Variants in TBC1D22A observed in about 807,000 individuals in gnomAD.
TBC1D22A encodes TBC1 domain family member 22A.
A neutral mutation model predicts 60.2 loss-of-function variants in TBC1D22A; 38 were observed. The ratio of observed to expected loss-of-function variants is 0.63; its 90% CI spans 0.49 to 0.83. The LOEUF (loss-of-function observed/expected upper bound fraction) is 0.83. TBC1D22A is among the 40% of genes least tolerant of loss of function. TBC1D22A has a pLI of 0.00. For synonymous variants in TBC1D22A, 302 were observed against 281.7 expected (o/e 1.07, Z -0.72); for missense variants, 628 against 701.0 (o/e 0.90, Z 1.18).
chr22:46,911,933 ATTG>A, intron 7 of TBC1D22A, 138 bp from the exon 8 acceptor site: 1 of 460,434 alleles, frequency 2.2e-6, no homozygotes, highest in East Asian at 3.5e-5. Flanking sequence ...AAAAAAAAAA[ATTG>A]ATATTTGTTT....
At chr22:46,951,796 G>A (rs2072920383) in intron 8 of TBC1D22A, among the ~76,000 whole-genome samples, 1 of 152,220 alleles carries the variant, frequency 6.6e-6, no homozygotes, top group Non-Finnish European at 1.5e-5. Context: ...GCGGAGCTTT[G>A]TTTTGTAGGA....
intron 4 of TBC1D22A, among the ~76,000 whole-genome samples, chr22:46,814,300 G>T (rs1410544377): frequency 6.6e-6 from 1 of 152,202 alleles, no homozygotes; most frequent in African/African-American, 2.4e-5. Flanking sequence ...GTCCTGTGAA[G>T]TGGATGCTAT....
At chr22:47,140,346 C>A (rs551522263) in intron 12 of TBC1D22A, among the ~76,000 whole-genome samples, 1 of 151,252 alleles carries the variant, frequency 6.6e-6, no homozygotes, top group Admixed American at 6.6e-5. Context: ...CTGAGGTGGG[C>A]GGATCACGAG....
At chr22:46,808,570 AG>A (rs945447174) in intron 4 of TBC1D22A, among the ~76,000 whole-genome samples, 1 of 151,904 alleles carries the variant, frequency 6.6e-6, no homozygotes, top group Non-Finnish European at 1.5e-5. Flanking sequence ...AAATGTAGTC[AG>A]GTAAGGCTTT....
chr22:47,041,584 A>T (rs1039926731), intron 11 of TBC1D22A, among the ~76,000 whole-genome samples: 1 of 152,210 alleles, frequency 6.6e-6, no homozygotes, highest in Non-Finnish European at 1.5e-5. Flanking sequence ...ATTTCACGGA[A>T]GCCCTGGTGG....
intron 1 of TBC1D22A, among the ~76,000 whole-genome samples, chr22:46,780,570 C>T (rs145906829): frequency 7.2e-5 from 11 of 152,322 alleles, no homozygotes; most frequent in Non-Finnish European, 1.5e-4. Context: ...CTGTCAAAAC[C>T]CAGCGGCCTT....
chr22:47,157,765 G>A (rs763732256), intron 12 of TBC1D22A, among the ~76,000 whole-genome samples: 2 of 152,204 alleles, frequency 1.3e-5, no homozygotes, highest in Admixed American at 6.5e-5. Flanking sequence ...GGGTAGGGCC[G>A]GTGCCCAGAT....
At chr22:46,955,634 T>G (rs952769400) in intron 8 of TBC1D22A, among the ~76,000 whole-genome samples, 1 of 152,232 alleles carries the variant, frequency 6.6e-6, no homozygotes, top group Admixed American at 6.5e-5. Flanking sequence ...AAATGACTAA[T>G]AAGCTGAAAA....
chr22:46,966,875 C>G (rs542740116), intron 8 of TBC1D22A, among the ~76,000 whole-genome samples: 1 of 152,124 alleles, frequency 6.6e-6, no homozygotes, highest in Non-Finnish European at 1.5e-5. Context: ...GGTCTGCTTG[C>G]GGGTGGTGGG....
chr22:47,011,607 T>C (rs904637100), intron 10 of TBC1D22A, among the ~76,000 whole-genome samples: 3 of 152,202 alleles, frequency 2.0e-5, no homozygotes, highest in African/African-American at 7.2e-5. Context: ...CAGCAGCCTG[T>C]GTGGCTTCAC....
chr22:47,100,619 G>A (rs2065375919), intron 11 of TBC1D22A, among the ~76,000 whole-genome samples: 1 of 152,176 alleles, frequency 6.6e-6, no homozygotes, highest in Non-Finnish European at 1.5e-5. Context: ...GTGCTCCTCT[G>A]CACACGCTCT....
At chr22:47,090,967 A>C (rs911763229) in intron 11 of TBC1D22A, among the ~76,000 whole-genome samples, 3 of 130,796 alleles carry the variant, frequency 2.3e-5, no homozygotes, top group African/African-American at 9.0e-5. Context: ...CAGGCACGAG[A>C]AGTTGTCTTT....
chr22:47,152,704 C>T (rs1357753242), intron 12 of TBC1D22A, among the ~76,000 whole-genome samples: 1 of 152,228 alleles, frequency 6.6e-6, no homozygotes, highest in Non-Finnish European at 1.5e-5. Flanking sequence ...TCTCATTTAA[C>T]TCTCGTGATG....
At chr22:47,015,464 A>G (rs769853327) in intron 10 of TBC1D22A, among the ~76,000 whole-genome samples, 1 of 152,146 alleles carries the variant, frequency 6.6e-6, no homozygotes, top group Non-Finnish European at 1.5e-5. Flanking sequence ...CCTCCCTTCT[A>G]ATTTCGAGGA....
intron 6 of TBC1D22A, among the ~76,000 whole-genome samples, chr22:46,891,783 A>T (rs2068421526): frequency 6.6e-6 from 1 of 152,190 alleles, no homozygotes; most frequent in Non-Finnish European, 1.5e-5. Context: ...TGGCATCAGG[A>T]CAGAGAGGTT....
At chr22:46,959,634 C>T (rs1276777842) in intron 8 of TBC1D22A, among the ~76,000 whole-genome samples, 2 of 152,148 alleles carry the variant, frequency 1.3e-5, no homozygotes, top group Admixed American at 6.5e-5. Flanking sequence ...CCCTGTCCTT[C>T]GGCTCGGTTC....
intron 11 of TBC1D22A, among the ~76,000 whole-genome samples, chr22:47,081,160 T>C (rs1446217273): frequency 6.8e-6 from 1 of 147,404 alleles, no homozygotes; most frequent in East Asian, 2.0e-4. Flanking sequence ...ACACACTGAG[T>C]AGCATTTGTT....
intron 12 of TBC1D22A, among the ~76,000 whole-genome samples, chr22:47,149,842 A>T (rs2147170055): frequency 6.6e-6 from 1 of 152,058 alleles, no homozygotes; most frequent in East Asian, 1.9e-4. Flanking sequence ...GGTGATTGTC[A>T]CCTCCACCTT....
intron 4 of TBC1D22A, among the ~76,000 whole-genome samples, chr22:46,856,081 C>A (rs972042610): frequency 2.0e-5 from 3 of 152,100 alleles, no homozygotes; most frequent in African/African-American, 7.2e-5. Flanking sequence ...TCTGCATGTC[C>A]CCTGAGGTTT....
Sources: allele counts gnomAD v4.1 joint callset (sites outside exome capture counted in the v4.1 genomes callset), GRCh38; gene constraint gnomAD v4.1.1; transcripts MANE v1.5; gene names NCBI Gene and HGNC (gene_info 2026-07-23, HGNC 2026-07-21).